The following LRMDA variants were observed in gnomAD, a reference collection of about 807,000 sequenced individuals.
LRMDA encodes the protein leucine-rich melanocyte differentiation-associated protein.
Under a neutral mutation model 29.8 loss-of-function variants are expected in LRMDA, and 18 were observed. The observed-to-expected ratio is 0.60, with a 90% CI of 0.42 to 0.90. The LOEUF (loss-of-function observed/expected upper bound fraction) is 0.90, where lower values mean the gene tolerates loss of function less well. LRMDA is among the 40% of genes least tolerant of loss of function. The probability of loss-of-function intolerance (pLI) is 0.00; values close to 1 mark genes in which losing one functional copy is unlikely to be tolerated. For missense variants in LRMDA, 273 were observed against 273.9 expected, an observed-to-expected ratio of 1.00 and a Z score of 0.02; for synonymous variants, 125 against 109.4, an observed-to-expected ratio of 1.14 and a Z score of -0.89.
At chr10:75,943,826 AT>A (rs1208742625) in intron 2 of LRMDA, among the ~76,000 whole-genome samples, 1 of 152,162 alleles carries the variant, frequency 6.6e-6, no homozygotes, top group Non-Finnish European at 1.5e-5. Flanking sequence ...TTCAACAATT[AT>A]TTATTGAGGA....
chr10:75,839,854 G>T (rs918168841), intron 2 of LRMDA, among the ~76,000 whole-genome samples: 6 of 151,698 alleles, frequency 4.0e-5, no homozygotes, highest in Admixed American at 3.9e-4. Flanking sequence ...GACTACAGGC[G>T]CCCGCCACCG....
chr10:76,460,331 A>C (rs1288267766), intron 6 of LRMDA, among the ~76,000 whole-genome samples: 1 of 152,256 alleles, frequency 6.6e-6, no homozygotes, highest in Non-Finnish European at 1.5e-5. Context: ...CTAAGTCAGC[A>C]GGTAGAGGGC....
At chr10:76,029,397 C>A (rs930707224) in intron 2 of LRMDA, among the ~76,000 whole-genome samples, 1 of 152,174 alleles carries the variant, frequency 6.6e-6, no homozygotes, top group African/African-American at 2.4e-5. Context: ...GTATGGATAT[C>A]ATGAAGGATT....
At chr10:76,429,092 G>C (rs990576958) in intron 6 of LRMDA, among the ~76,000 whole-genome samples, 1 of 151,082 alleles carries the variant, frequency 6.6e-6, no homozygotes, top group East Asian at 1.9e-4. Context: ...CCTTTTTCAA[G>C]ATAGGAGGAA....
chr10:75,832,736 G>A (rs1844367149), intron 2 of LRMDA, among the ~76,000 whole-genome samples: 1 of 152,228 alleles, frequency 6.6e-6, no homozygotes, highest in Non-Finnish European at 1.5e-5. Flanking sequence ...CACAATCATG[G>A]CAGAAGGCAA....
At chr10:76,221,449 A>G (rs994986681) in intron 5 of LRMDA, among the ~76,000 whole-genome samples, 4 of 152,258 alleles carry the variant, frequency 2.6e-5, no homozygotes, top group South Asian at 2.1e-4. Context: ...CCAATGTACA[A>G]AAATCACAAG....
At chr10:75,887,337 T>A (rs1227936446) in intron 2 of LRMDA, among the ~76,000 whole-genome samples, 2 of 152,054 alleles carry the variant, frequency 1.3e-5, no homozygotes, top group African/African-American at 4.8e-5. Flanking sequence ...AAAAATAGGA[T>A]ACAAATATAT....
chr10:76,512,782 C>T (rs1843021639), intron 6 of LRMDA, among the ~76,000 whole-genome samples: 1 of 152,082 alleles, frequency 6.6e-6, no homozygotes, highest in African/African-American at 2.4e-5. Context: ...TTCTATAGGC[C>T]TTGTTTTTTT....
intron 2 of LRMDA, among the ~76,000 whole-genome samples, chr10:75,545,786 A>G (rs1011692546): frequency 2.0e-5 from 3 of 152,188 alleles, no homozygotes; most frequent in Non-Finnish European, 2.9e-5. Flanking sequence ...TTACAGTATT[A>G]AGCTTCATGG....
At chr10:76,535,992 G>T (rs1416724693) in intron 6 of LRMDA, 3 of 152,132 alleles carry the variant, frequency 2.0e-5, no homozygotes, top group Non-Finnish European at 4.4e-5. Flanking sequence ...GGCCAGGTTG[G>T]TCTCAAATTC....
intron 6 of LRMDA, among the ~76,000 whole-genome samples, chr10:76,333,432 T>A (rs1840928355): frequency 6.6e-6 from 1 of 152,158 alleles, no homozygotes; most frequent in Non-Finnish European, 1.5e-5. Flanking sequence ...TCTGTGCCCA[T>A]AGACTGTGAT....
intron 5 of LRMDA, among the ~76,000 whole-genome samples, chr10:76,159,420 A>T (rs968773803): frequency 6.6e-6 from 1 of 152,192 alleles, no homozygotes; most frequent in African/African-American, 2.4e-5. Flanking sequence ...AGGGACTCTC[A>T]TTCATCTCTG....
At position 76,462,073 on chromosome 10, in the gene LRMDA, A is replaced by AAC. The variant is rs1842517794; in HGVS notation, c.602-95135_602-95134insCA. Among the ~76,000 whole-genome samples, 3 of 74,770 alleles carry AAC rather than the reference A, an allele frequency of 4.0e-5. No individual in the cohort carries two copies. The South Asian group carries it at 1.0e-3, about 25-fold the overall frequency. The allele number at this position is 74,770 out of a possible 152,430, so 49.1% of individuals were successfully genotyped here. A position where few individuals can be genotyped will look rare whatever the true frequency, so the allele number is the denominator to read the frequency against. On this transcript the variant is annotated intron_variant, in intron 6 of 6. Coordinates refer to ENST00000611255, the MANE Select transcript of LRMDA (RefSeq NM_001305581.2). ...GAACTCTGTCTCAAAAAAAAAAAAAAAAACCACACACACACACACAAAAAC... is the reference window on the plus strand; with the variant it reads ...GAACTCTGTCTCAAAAAAAAAAAAAAACAAACCACACACACACACACAAAAAC...
chr10:75,755,960 T>C (rs891221206), intron 2 of LRMDA, among the ~76,000 whole-genome samples: 14 of 152,220 alleles, frequency 9.2e-5, no homozygotes, highest in Non-Finnish European at 1.6e-4. Flanking sequence ...GGCTGGCATG[T>C]GGAGAATGGA....
At chr10:75,549,941 T>G (rs962071805) in intron 2 of LRMDA, among the ~76,000 whole-genome samples, 1 of 152,234 alleles carries the variant, frequency 6.6e-6, no homozygotes, top group African/African-American at 2.4e-5. Context: ...ATAATGCTTT[T>G]GAGATTCATC....
chr10:76,068,348 T>C (rs898218259), intron 5 of LRMDA, among the ~76,000 whole-genome samples: 1 of 152,178 alleles, frequency 6.6e-6, no homozygotes, highest in Admixed American at 6.5e-5. Flanking sequence ...AGTAAGATAA[T>C]CTTAGGGCAG....
At chr10:76,400,190 A>G (rs1907339) in intron 6 of LRMDA, among the ~76,000 whole-genome samples, 122,950 of 152,178 alleles carry the variant, frequency 0.81, 50,962 homozygotes, top group Non-Finnish European at 0.87. Flanking sequence ...CCTCTGGCCA[A>G]CAGCCAGTAA....
chr10:75,753,112 T>C (rs1564558704), intron 2 of LRMDA, among the ~76,000 whole-genome samples: 1 of 151,922 alleles, frequency 6.6e-6, no homozygotes, highest in Non-Finnish European at 1.5e-5. Context: ...GTAAAATGGG[T>C]GTTGTTGCAA....
At chr10:76,292,918 C>A (rs1446613622) in intron 5 of LRMDA, among the ~76,000 whole-genome samples, 1 of 152,170 alleles carries the variant, frequency 6.6e-6, no homozygotes, top group Non-Finnish European at 1.5e-5. Context: ...AACCAAATAA[C>A]TAGGACTGCT....
Sources: gnomAD v4.1 joint callset for allele counts (sites outside exome capture counted in the v4.1 genomes callset) on GRCh38, gnomAD v4.1.1 for gene constraint, MANE v1.5 for transcripts, NCBI Gene and HGNC (gene_info 2026-07-23, HGNC 2026-07-21) for gene names.